The following HUWE1 variants were observed in gnomAD, a reference collection of about 807,000 sequenced individuals.
The protein encoded by HUWE1 is HECT, UBA and WWE domain containing E3 ubiquitin protein ligase 1.
In HUWE1, 18 loss-of-function variants were observed where a neutral mutation model predicts 299.4. The observed-to-expected ratio is 0.06, with a 90% confidence interval of 0.04 to 0.09. HUWE1 has a LOEUF of 0.09. Ranked by LOEUF, HUWE1 falls within the 10% of genes least tolerant of loss-of-function variation. HUWE1 has a pLI of 1.00. For missense variants in HUWE1, 1,832 were observed against 3,462.3 expected, an observed-to-expected ratio of 0.53 and a Z score of 11.82; for synonymous variants, 1,317 against 1,286.1, an observed-to-expected ratio of 1.02 and a Z score of -0.51.
intron 7 of HUWE1, among the ~76,000 whole-genome samples, chrX:53,644,473 TC>T (rs1367086728): frequency 1.8e-5 from 2 of 111,813 alleles, no homozygotes; most frequent in Non-Finnish European, 3.8e-5. Flanking sequence ...AGAAAACAGG[TC>T]ACATGCATGT....
chrX:53,559,013 A>G lies in HUWE1; in HGVS notation c.7963T>C (p.Cys2655Arg). 8.5e-7 allele frequency: 1 copy of G among 1,176,467 alleles called. No individual in the cohort carries two copies. Among genetic ancestry groups the G allele is most frequent in the Non-Finnish European group, 1.1e-6 (1 of 877,158 alleles). ...PTALTRWTEE[C>R]KVLDAESMHD... ...ATGCTCTCAGCATCGAGAACTTTGC[A>G]TTCTTCTGTCCAGCGGGTCAGGGCT... Residue 2655 changes from cysteine to arginine, a missense_variant, in exon 58 of 84, where the codon TGC becomes CGC. By Grantham distance (180) the Cys-to-Arg change is radical. Around this residue, in one of 15 missense-constraint regions of HUWE1, gnomAD observed 170 missense variants for 335.8 expected, o/e 0.51. Coordinates refer to ENST00000262854, the MANE Select transcript of HUWE1 (RefSeq NM_031407.7).
At chrX:53,601,657 A>T in intron 28 of HUWE1, among the ~76,000 whole-genome samples, 1 of 97,702 alleles carries the variant, frequency 1.0e-5, no homozygotes, top group Non-Finnish European at 2.1e-5. Flanking sequence ...TACTTACTGA[A>T]ATTTGGAATT....
At chrX:53,645,522 A>C (rs1230063791) in intron 6 of HUWE1, 59 bp from the exon 7 acceptor site, 3 of 1,076,419 alleles carry the variant, frequency 2.8e-6, no homozygotes, top group Non-Finnish European at 3.8e-6. Context: ...CTTGAAAACA[A>C]AACAAAATGT....
At chrX:53,578,731 C>T (rs2063377939) in intron 43 of HUWE1, among the ~76,000 whole-genome samples, 1 of 70,319 alleles carries the variant, frequency 1.4e-5, no homozygotes, top group African/African-American at 5.6e-5. Context: ...GTGAGGGGCG[C>T]CTCTGCCCGG....
In HUWE1 at chrX:53,533,120, G is replaced by A. The variant is rs2060841787; in HGVS notation, c.*189C>T. On this transcript the variant is annotated 3_prime_UTR_variant, in exon 84 of 84. Transcript: ENST00000262854. The stretch of plus-strand genomic sequence containing the variant: ...AAGGGGAGAGAAGGTGAGGAAACAG[G>A]CGGCGGGGAGAGAATGAGAAGAGGA... The A allele has an allele frequency of 2.3e-6, 1 of 441,518 alleles. No individual in the cohort carries two copies. 36.4% of individuals were successfully genotyped at this position (441,518 alleles called of 1,213,427 possible).
rs782815581 is a variant in HUWE1, at chrX:53,534,072, G to A, written c.12957C>T (p.Gly4319=). The change falls in exon 83 of 84, where the codon GGC becomes GGT. Residue 4319 remains glycine (G), a synonymous_variant. Coordinates refer to ENST00000262854, the MANE Select transcript of HUWE1 (RefSeq NM_031407.7). ...QGFAALEGMN[G]IQKFQIHRDD... is the part of the protein sequence containing the mutation. ...CTCGATGGATCTGAAACTTCTGAAT[G>A]CCATTCATGCCTTCGAGGGCAGCAA... 11 of 1,211,046 alleles carry A rather than the reference G, an allele frequency of 9.1e-6. No homozygotes were observed. The highest frequency in any genetic ancestry group is 1.2e-5 in the Non-Finnish European group (11 of 894,740).
Position 53,584,215 on chromosome X carries a change from T to A in HUWE1, c.5132A>T (p.Asp1711Val). The A allele has an allele frequency of 8.3e-7, 1 of 1,209,789 alleles. No individual in the cohort carries two copies. Among genetic ancestry groups the A allele is most frequent in the Non-Finnish European group, 1.1e-6 (1 of 893,769 alleles). ...EKTLEESKEM[D>V]IKRKENKGND... ...GCCTTTATTTTCTTTACGTTTGATA[T>A]CCATTTCTTTGCTTTCTTCCAGCGT... The change falls in exon 41 of 84, where the codon GAT becomes GTT. Residue 1711 changes from aspartate to valine, a missense_variant. By Grantham distance (152) the Asp-to-Val change is radical. Around this residue, in one of 15 missense-constraint regions of HUWE1, gnomAD observed 46 missense variants for 42.6 expected, o/e 1.08. Transcript: ENST00000262854.
At chrX:53,560,158 C>T (rs1556939460) in intron 56 of HUWE1, 30 bp downstream of exon 56, 13 of 1,115,602 alleles carry the variant, frequency 1.2e-5, no homozygotes, top group South Asian at 1.9e-5. Flanking sequence ...ACAAGAGCTC[C>T]GATGAATCCA....
rs782568116 is a variant in HUWE1 at position 53,604,575 on chromosome X, A to G, written c.2742+14T>C. The G allele has an allele frequency of 5.0e-6, 6 of 1,207,652 alleles. No individual in the cohort carries two copies. The Admixed American group carries it at 1.1e-4, about 22-fold the overall frequency. On this transcript the variant is annotated intron_variant, in intron 26 of 83. Transcript: ENST00000262854. Reference sequence around the variant, plus strand: ...CCTTTAAATTAATATGTTCACCCCTAAGGTTATTTTTACCTGTCCAACTCT... The same window carrying G: ...CCTTTAAATTAATATGTTCACCCCTGAGGTTATTTTTACCTGTCCAACTCT...
Position 53,628,914 on chromosome X carries a change from G to C in HUWE1, c.964-12C>G. The C allele has an allele frequency of 8.5e-7, 1 of 1,179,866 alleles. No individual in the cohort carries two copies. The highest frequency in any genetic ancestry group is 1.2e-6 in the Non-Finnish European group (1 of 867,688). On this transcript the variant is annotated splice_polypyrimidine_tract_variant and intron_variant, in intron 13 of 83. Transcript: ENST00000262854. Reference sequence around the variant, plus strand: ...GCTGCTTTAATCTCCTATTAAATTAGAAGGTAAACACATAATGTGTCAAAT... The same window carrying C: ...GCTGCTTTAATCTCCTATTAAATTACAAGGTAAACACATAATGTGTCAAAT...
At chrX:53,645,735 AAATATATAT>A (rs1464857288) in intron 6 of HUWE1, among the ~76,000 whole-genome samples, 583 of 26,011 alleles carry the variant, frequency 0.022, 3 homozygotes, top group South Asian at 0.034. Context: ...AAAAAAAAAA[AAATATATAT>A]ATATATATAT....
intron 42 of HUWE1, among the ~76,000 whole-genome samples, chrX:53,582,247 T>C (rs1351970973): frequency 1.8e-5 from 2 of 112,683 alleles, no homozygotes; most frequent in African/African-American, 6.5e-5. Context: ...CATTTCTTTA[T>C]AGAAAGCGTT....
chrX:53,684,042 G>A (rs2070341426), intron 2 of HUWE1: 4 of 288,097 alleles, frequency 1.4e-5, no homozygotes, highest in South Asian at 2.1e-4. Context: ...CTACCGGACG[G>A]GAAAAGCCTG....
At chrX:53,679,913 AC>A (rs1318431820) in intron 3 of HUWE1, 135 bp downstream of exon 3, 2 of 289,358 alleles carry the variant, frequency 6.9e-6, no homozygotes, top group African/African-American at 5.5e-5. Context: ...AAAAGAAGCA[AC>A]CAGTACCACA....
intron 3 of HUWE1, among the ~76,000 whole-genome samples, chrX:53,665,337 G>A (rs189130864): frequency 8.9e-6 from 1 of 112,275 alleles, no homozygotes; most frequent in Non-Finnish European, 1.9e-5. Context: ...ATACCTTGAA[G>A]GAGTCTCTCA....
Position 53,634,218 on chromosome X carries a change from T to G in HUWE1, c.567+18A>C. The G allele has an allele frequency of 8.5e-7, 1 of 1,169,735 alleles. No homozygotes were observed. Among genetic ancestry groups the G allele is most frequent in the Non-Finnish European group, 1.2e-6 (1 of 857,432 alleles). On this transcript the variant is annotated intron_variant, in intron 8 of 83. Coordinates refer to ENST00000262854, the MANE Select transcript of HUWE1 (RefSeq NM_031407.7). ...ACAGCTCTGTCAAAAGACACCCATATCCCAAAGAGTTACTTACCATCATAT... is the reference window on the plus strand; with the variant it reads ...ACAGCTCTGTCAAAAGACACCCATAGCCCAAAGAGTTACTTACCATCATAT...
chrX:53,554,812 G>C lies in HUWE1; in HGVS notation c.8315C>G (p.Pro2772Arg), dbSNP rs1556932745. 1 of 1,211,439 alleles carries C rather than the reference G, an allele frequency of 8.3e-7. No individual in the cohort carries two copies. Among genetic ancestry groups the C allele is most frequent in the South Asian group, 1.8e-5 (1 of 56,935 alleles). The change falls in exon 61 of 84, where the codon CCA (proline) becomes CGA (arginine). Residue 2772 changes from proline to arginine, a missense_variant. Coordinates refer to ENST00000262854, the MANE Select transcript of HUWE1 (RefSeq NM_031407.7). ...CAAAGCTGGTGGGGTTGGGAGTGTT[G>C]GTTGCTGTTGTGAGGATTGCAGAGT... ...LGTLQSSQQQ[P>R]TLPTPPALGE...
chrX:53,551,295 C>A lies in HUWE1; in HGVS notation c.9067G>T (p.Ala3023Ser). 8.3e-7 allele frequency: 1 copy of A among 1,210,775 alleles called. No homozygotes were observed. Among genetic ancestry groups the A allele is most frequent in the Non-Finnish European group, 1.1e-6 (1 of 895,032 alleles). Residue 3023 changes from alanine to serine, a missense_variant, in exon 64 of 84, where the codon GCT (alanine) becomes TCT (serine). Ala to Ser is a moderately conservative substitution (Grantham distance 99). Coordinates refer to ENST00000262854, the MANE Select transcript of HUWE1 (RefSeq NM_031407.7). ...TCCTGAATGGCTGGAGGCAGGGCAGCCAGAAACTCAGGGCTCACTTCAGTC... is the reference window on the plus strand; with the variant it reads ...TCCTGAATGGCTGGAGGCAGGGCAGACAGAAACTCAGGGCTCACTTCAGTC... The part of the protein sequence containing the change: ...GVTEVSPEFL[A>S]ALPPAIQEEV...
chrX:53,547,115 A>C (rs782288724), intron 68 of HUWE1, among the ~76,000 whole-genome samples: 11 of 112,278 alleles, frequency 9.8e-5, no homozygotes, highest in Non-Finnish European at 2.1e-4. Context: ...CTAAGCTGAA[A>C]AAGAAACCCC....
Sources: gnomAD v4.1 joint callset for allele counts (sites outside exome capture counted in the v4.1 genomes callset) on GRCh38, gnomAD v4.1.1 for gene constraint, gnomAD v4.1.1 regional missense constraint, MANE v1.5 for transcripts, NCBI Gene and HGNC (gene_info 2026-07-23, HGNC 2026-07-21) for gene names.